Variants in LCORL observed in about 807,000 individuals in gnomAD.
LCORL encodes the protein ligand dependent nuclear receptor corepressor like.
In LCORL, 41 loss-of-function variants were observed where a neutral mutation model predicts 141.8. The observed-to-expected ratio is 0.29, with a 90% CI of 0.23 to 0.38. The LOEUF is 0.38. Among genes scored for constraint, LCORL ranks in the 10% least tolerant of loss-of-function variants. The pLI, the probability that LCORL is intolerant of heterozygous loss-of-function variation, is 1.00. For missense variants in LCORL, 1,759 were observed against 2,035.0 expected (o/e 0.86, Z 2.61); for synonymous variants, 618 against 694.1 (o/e 0.89, Z 1.72).
chr4:17,872,850 G>A (rs1726514494), intron 7 of LCORL, among the ~76,000 whole-genome samples: 1 of 152,080 alleles, frequency 6.6e-6, no homozygotes, highest in African/African-American at 2.4e-5. Flanking sequence ...GTCTTAAAGT[G>A]AGCTCCAAAT....
At chr4:17,977,908 G>C (rs1338760828) in intron 1 of LCORL, among the ~76,000 whole-genome samples, 2 of 152,080 alleles carry the variant, frequency 1.3e-5, no homozygotes, top group Non-Finnish European at 2.9e-5. Context: ...GGCCCATTTT[G>C]ATCACTTTTT....
chr4:18,021,807 G>GGGGCGCGAGCCCT lies in LCORL; in HGVS notation c.-69_-57dup. The stretch of plus-strand genomic sequence containing the variant: ...ATACGAGCAGCGCAGGCACGAGGCA[G>GGGGCGCGAGCCCT]GGGCGCGAGCCCTCGGCGCGAGCCC... On this transcript the variant is annotated 5_prime_UTR_variant, in exon 1 of 8. Transcript: ENST00000635767. The surrounding 1 kb of genome is among the most constrained non-coding windows in gnomAD (Gnocchi z 5.5). The GGGGCGCGAGCCCT allele has an allele frequency of 1.4e-6, 2 of 1,415,574 alleles. No individual in the cohort carries two copies. 87.7% of individuals were successfully genotyped at this position (1,415,574 alleles called of 1,614,324 possible). A position where few individuals can be genotyped will look rare whatever the true frequency, so the allele number is the denominator to read the frequency against.
intron 5 of LCORL, among the ~76,000 whole-genome samples, chr4:17,902,897 A>G (rs1220153267): frequency 6.6e-6 from 1 of 152,126 alleles, no homozygotes; most frequent in Non-Finnish European, 1.5e-5. Flanking sequence ...ATCTCTTGCT[A>G]ATTAAGAGAA....
At chr4:17,942,368 G>C (rs565671276) in intron 4 of LCORL, among the ~76,000 whole-genome samples, 1 of 152,094 alleles carries the variant, frequency 6.6e-6, no homozygotes. Flanking sequence ...GTAAACTGAG[G>C]AATTAGGCTT....
Position 18,021,738 on chromosome 4 carries a change from C to A in LCORL, c.14G>T (p.Arg5Ile). 6.6e-7 allele frequency: 1 copy of A among 1,517,656 alleles called. No homozygotes were observed. The allele number at this position is 1,517,656 out of a possible 1,614,324, so 94.0% of individuals were successfully genotyped here. ...GGCGGCGGCAGCGGCCATTCTCTCTCTTCCCTTGTCCATCTGCGTCCCGCG... is the reference window on the plus strand; with the variant it reads ...GGCGGCGGCAGCGGCCATTCTCTCTATTCCCTTGTCCATCTGCGTCCCGCG... The change falls in exon 1 of 8, where the codon AGA becomes ATA. Residue 5 changes from arginine (R) to isoleucine (I), a missense_variant. Physicochemically the swap from Arg to Ile is moderately conservative, Grantham distance 97 (BLOSUM62 -3). Coordinates refer to ENST00000635767, the Ensembl canonical transcript of LCORL. This position sits in a 1 kb window ranked among gnomAD's most constrained non-coding sequence, Gnocchi z 5.5.
exon 8 of LCORL, chr4:17,845,650 A>G (rs1342621348): frequency 9.1e-7 from 1 of 1,097,090 alleles, no homozygotes; most frequent in Non-Finnish European, 1.3e-6. Flanking sequence ...TTCAAGATCA[A>G]TTGATAAATG....
exon 8 of LCORL, chr4:17,843,229 A>C: frequency 6.6e-7 from 1 of 1,515,176 alleles, no homozygotes; most frequent in Non-Finnish European, 8.9e-7. Context: ...GTCAGAAACA[A>C]AAAAGTTTTA....
rs1728032127 is a variant in LCORL at position 17,884,533 on chromosome 4, A to G, written c.776+1535T>C. 6.5e-7 allele frequency: 1 copy of G among 1,536,240 alleles called. No individual in the cohort carries two copies. The highest frequency in any genetic ancestry group is 1.4e-5 in the African/African-American group (1 of 71,558). On this transcript the variant is annotated intron_variant, in intron 6 of 7. Transcript: ENST00000635767. This position sits in a 1 kb window ranked among gnomAD's most constrained non-coding sequence, Gnocchi z 4.4. ...CTTTACTGTCCTTATATGAATAACT[A>G]TCATGGAAATCTCGAGTTTTGTTTT...
At chr4:17,965,993 A>G (rs1361955647) in intron 2 of LCORL, among the ~76,000 whole-genome samples, 3 of 151,984 alleles carry the variant, frequency 2.0e-5, no homozygotes, top group Non-Finnish European at 2.9e-5. Context: ...GAAGATCATG[A>G]AACACTGGTT....
At chr4:17,901,050 G>A (rs1730784264) in intron 5 of LCORL, among the ~76,000 whole-genome samples, 1 of 151,884 alleles carries the variant, frequency 6.6e-6, no homozygotes, top group Admixed American at 6.6e-5. Flanking sequence ...AATGTAGACA[G>A]AAATGTATTG....
intron 7 of LCORL, among the ~76,000 whole-genome samples, chr4:17,870,222 C>T (rs1176886979): frequency 1.3e-5 from 2 of 152,124 alleles, no homozygotes; most frequent in South Asian, 2.1e-4. Flanking sequence ...ACTGAAGCCT[C>T]GACCTCCCAG....
intron 4 of LCORL, among the ~76,000 whole-genome samples, chr4:17,932,690 T>TA (rs1736245405): frequency 6.6e-6 from 1 of 152,164 alleles, no homozygotes; most frequent in Admixed American, 6.5e-5. Flanking sequence ...TTTTTGTAGA[T>TA]AAAGTTTTAT....
exon 8 of LCORL, chr4:17,842,388 T>G (rs1183268872): frequency 3.1e-6 from 5 of 1,609,934 alleles, no homozygotes; most frequent in Non-Finnish European, 4.2e-6. Context: ...AGGTATGTCA[T>G]GCATGTCTAG....
At chr4:17,852,075 T>C (rs1367006380) in intron 7 of LCORL, among the ~76,000 whole-genome samples, 4 of 152,200 alleles carry the variant, frequency 2.6e-5, no homozygotes, top group East Asian at 3.8e-4. Context: ...TATTAGTTTA[T>C]ATCTCTTATG....
At chr4:17,882,990 T>C (rs942686949) in intron 6 of LCORL, 3 of 948,596 alleles carry the variant, frequency 3.2e-6, no homozygotes, top group African/African-American at 3.5e-5. Flanking sequence ...CATCTTATTA[T>C]ATTAAAGGGT....
intron 1 of LCORL, among the ~76,000 whole-genome samples, chr4:18,000,597 C>T (rs1362002471): frequency 7.0e-6 from 1 of 143,176 alleles, no homozygotes; most frequent in African/African-American, 2.8e-5. Context: ...TAAAAGTGAA[C>T]GAACTATATC....
chr4:18,009,352 C>CCTATAAGGT (rs1723309322), intron 1 of LCORL, among the ~76,000 whole-genome samples: 1 of 151,964 alleles, frequency 6.6e-6, no homozygotes, highest in African/African-American at 2.4e-5. Context: ...CCCTCCTCAC[C>CCTATAAGGT]TCTCTTGGCC....
chr4:17,924,031 C>T (rs370258737), intron 4 of LCORL, among the ~76,000 whole-genome samples: 12 of 151,136 alleles, frequency 7.9e-5, no homozygotes, highest in African/African-American at 2.2e-4. Context: ...AATGGCCAGA[C>T]GTGTGATTAT....
intron 5 of LCORL, among the ~76,000 whole-genome samples, chr4:17,887,692 G>C (rs1728481776): frequency 1.3e-5 from 2 of 152,168 alleles, no homozygotes; most frequent in African/African-American, 4.8e-5. Context: ...TTCTGACAGA[G>C]ACAGGAAGCC....
Sources: allele counts gnomAD v4.1 joint callset (sites outside exome capture counted in the v4.1 genomes callset), GRCh38; gene constraint gnomAD v4.1.1; non-coding constraint Gnocchi (gnomAD v3.1); transcripts MANE v1.5; gene names NCBI Gene and HGNC (gene_info 2026-07-23, HGNC 2026-07-21).